The following GNAQ variants were observed in gnomAD, a reference collection of about 807,000 sequenced individuals.
GNAQ encodes G protein subunit alpha q.
Under a neutral mutation model 43.9 loss-of-function variants are expected in GNAQ, and 8 were observed. That is an observed-to-expected ratio of 0.18 (90% confidence interval 0.11 to 0.33). The LOEUF is 0.33. Among genes scored for constraint, GNAQ ranks in the 10% least tolerant of loss-of-function variants. The pLI is 1.00. For synonymous variants in GNAQ, 155 were observed against 170.7 expected, an observed-to-expected ratio of 0.91 and a Z score of 0.71; for missense variants, 158 against 450.8, an observed-to-expected ratio of 0.35 and a Z score of 5.88.
chr9:77,728,785 C>A (rs1173033984), intron 5 of GNAQ, 118 bp from the exon 6 acceptor site: 4 of 685,478 alleles, frequency 5.8e-6, no homozygotes, highest in Non-Finnish European at 1.0e-5. Flanking sequence ...GTTTTTGTAG[C>A]CCTGTGTTGG....
intron 6 of GNAQ, among the ~76,000 whole-genome samples, chr9:77,725,474 A>G (rs1416100566): frequency 6.6e-6 from 1 of 151,040 alleles, no homozygotes; most frequent in African/African-American, 2.4e-5. Context: ...AGTTTCACGT[A>G]ATGACTGCTG....
chr9:77,772,492 T>A (rs1281748747), intron 5 of GNAQ, among the ~76,000 whole-genome samples: 3 of 152,330 alleles, frequency 2.0e-5, no homozygotes, highest in Admixed American at 2.0e-4. Flanking sequence ...GAGACAAACC[T>A]AGTACTACAT....
chr9:78,028,685 ATAGG>A (rs1824012358), intron 1 of GNAQ, among the ~76,000 whole-genome samples: 1 of 152,178 alleles, frequency 6.6e-6, no homozygotes. Flanking sequence ...TCTCCTCTAG[ATAGG>A]TTTGTTTAAA....
At chr9:78,012,564 T>A (rs1823787283) in intron 1 of GNAQ, among the ~76,000 whole-genome samples, 1 of 152,082 alleles carries the variant, frequency 6.6e-6, no homozygotes, top group African/African-American at 2.4e-5. Flanking sequence ...CATGGACCCA[T>A]CATTTAAAAA....
At chr9:77,813,285 G>T (rs1826956282) in intron 3 of GNAQ, among the ~76,000 whole-genome samples, 1 of 152,148 alleles carries the variant, frequency 6.6e-6, no homozygotes, top group Non-Finnish European at 1.5e-5. Flanking sequence ...ACTATTTAAA[G>T]AATAATCATT....
intron 5 of GNAQ, among the ~76,000 whole-genome samples, chr9:77,787,361 C>T (rs1400656103): frequency 6.6e-6 from 1 of 152,172 alleles, no homozygotes; most frequent in Non-Finnish European, 1.5e-5. Flanking sequence ...TGTTTCTTGA[C>T]AGGGGTGTTA....
At chr9:77,780,275 A>G (rs888344007) in intron 5 of GNAQ, among the ~76,000 whole-genome samples, 2 of 151,362 alleles carry the variant, frequency 1.3e-5, no homozygotes, top group African/African-American at 4.8e-5. Context: ...CCCTCCCCAT[A>G]CCCTTCTCAG....
Position 77,863,413 on chromosome 9 carries a change from C to T in GNAQ, c.322-47643G>A, listed in dbSNP as rs149000825. On this transcript the variant is annotated intron_variant, in intron 2 of 6. Transcript: ENST00000286548. ...ACAAGTTCCTCATCTCCATCTGAGA[C>T]CACCTCAGCGTGGATTTCACTGTCC... Among the ~76,000 whole-genome samples, 597 of 152,274 alleles carry T rather than the reference C, an allele frequency of 3.9e-3. 5 individuals carry two copies. The highest frequency in any genetic ancestry group is 0.014 in the African/African-American group (577 of 41,544).
chr9:77,748,482 C>T (rs1434262049), intron 5 of GNAQ, among the ~76,000 whole-genome samples: 1 of 152,168 alleles, frequency 6.6e-6, no homozygotes, highest in Non-Finnish European at 1.5e-5. Flanking sequence ...AGCTTGATGC[C>T]TTCTGCAAGC....
At position 77,833,036 on chromosome 9, in the gene GNAQ, G is replaced by A. The variant is rs533367292; in HGVS notation, c.322-17266C>T. ...GGCTGGAATGCAAAGGCACGATCTC[G>A]GCTCACTGCAACCTCTGCCTCCCGG... On this transcript the variant is annotated intron_variant, in intron 2 of 6. Transcript: ENST00000286548. 3.3e-5 allele frequency among the ~76,000 whole-genome samples: 5 copies of A among 152,058 alleles called. No homozygotes were observed. The South Asian group carries it at 6.2e-4, about 19-fold the overall frequency.
chr9:77,797,454 T>C (rs1417139371), intron 4 of GNAQ, 66 bp downstream of exon 4: 38 of 1,198,956 alleles, frequency 3.2e-5, no homozygotes, highest in Admixed American at 8.5e-5. Flanking sequence ...CCAGTATTTA[T>C]AGAGTTTACC....
At chr9:77,863,217 AGG>A (rs1451329059) in intron 2 of GNAQ, among the ~76,000 whole-genome samples, 1 of 134,774 alleles carries the variant, frequency 7.4e-6, no homozygotes, top group African/African-American at 3.0e-5. Context: ...GAAGGAAGGA[AGG>A]GAGGAAGGAA....
chr9:77,859,959 C>T (rs1253443378), intron 2 of GNAQ, among the ~76,000 whole-genome samples: 1 of 152,106 alleles, frequency 6.6e-6, no homozygotes, highest in Non-Finnish European at 1.5e-5. Context: ...TTAACTTCTT[C>T]TTAGGCAAAG....
chr9:77,870,614 C>T (rs937955390), intron 2 of GNAQ, among the ~76,000 whole-genome samples: 1 of 151,754 alleles, frequency 6.6e-6, no homozygotes, highest in Admixed American at 6.6e-5. Context: ...CTTGAGCCAC[C>T]GCGCCCCGCC....
intron 2 of GNAQ, among the ~76,000 whole-genome samples, chr9:77,884,336 A>C (rs534581242): frequency 1.2e-4 from 19 of 152,372 alleles, no homozygotes; most frequent in African/African-American, 4.3e-4. Context: ...AGTTGTCTCT[A>C]ATCAGTCTGC....
intron 5 of GNAQ, among the ~76,000 whole-genome samples, chr9:77,794,021 C>T (rs746683447): frequency 2.6e-5 from 4 of 152,066 alleles, no homozygotes; most frequent in Admixed American, 6.6e-5. Flanking sequence ...AGCCCAGCTG[C>T]GAAGTCATTC....
intron 1 of GNAQ, among the ~76,000 whole-genome samples, chr9:77,994,795 C>T (rs772272958): frequency 6.6e-6 from 1 of 152,132 alleles, no homozygotes; most frequent in Non-Finnish European, 1.5e-5. Flanking sequence ...CTTGAAAATT[C>T]AAAACATTCC....
intron 1 of GNAQ, among the ~76,000 whole-genome samples, chr9:78,010,509 T>C (rs968336576): frequency 2.0e-5 from 3 of 152,152 alleles, no homozygotes; most frequent in Admixed American, 2.0e-4. Context: ...ATGGGGTGCA[T>C]GCTTGGACTT....
At chr9:77,872,620 C>G (rs1828057490) in intron 2 of GNAQ, among the ~76,000 whole-genome samples, 1 of 152,166 alleles carries the variant, frequency 6.6e-6, no homozygotes, top group African/African-American at 2.4e-5. Flanking sequence ...GCACATAGTT[C>G]TTGACCATGA....
Sources: gnomAD v4.1 joint callset for allele counts (sites outside exome capture counted in the v4.1 genomes callset) on GRCh38, gnomAD v4.1.1 for gene constraint, MANE v1.5 for transcripts, NCBI Gene and HGNC (gene_info 2026-07-23, HGNC 2026-07-21) for gene names.